ANKFN1: variants seen among roughly 807,000 people sequenced by gnomAD.
ANKFN1 encodes ankyrin repeat and fibronectin type-III domain-containing protein 1.
In ANKFN1, 74 loss-of-function variants were observed where a neutral mutation model predicts 108.7. The ratio of observed to expected loss-of-function variants is 0.68; its 90% CI spans 0.56 to 0.83. ANKFN1 has a LOEUF of 0.83. ANKFN1 is among the 40% of genes least tolerant of loss of function. The pLI is 0.00. For missense variants in ANKFN1, 1,505 were observed against 1,382.3 expected (o/e 1.09, Z -1.41); for synonymous variants, 547 against 516.2 (o/e 1.06, Z -0.81).
chr17:56,413,310 A>G (rs539863759), intron 8 of ANKFN1, among the ~76,000 whole-genome samples: 100 of 152,250 alleles, frequency 6.6e-4, no homozygotes, highest in African/African-American at 2.4e-3. Flanking sequence ...TTATCAGCTG[A>G]AGCAACTTTG....
intron 5 of ANKFN1, among the ~76,000 whole-genome samples, chr17:56,353,105 A>G (rs2046287241): frequency 6.6e-6 from 1 of 152,232 alleles, no homozygotes; most frequent in African/African-American, 2.4e-5. Flanking sequence ...AGCAAATGCA[A>G]TAAAATACAT....
intron 4 of ANKFN1, among the ~76,000 whole-genome samples, chr17:56,099,836 T>A (rs576787579): frequency 1.3e-5 from 2 of 152,328 alleles, no homozygotes; most frequent in Non-Finnish European, 2.9e-5. Flanking sequence ...TCATGAGGCA[T>A]TCCACCGTGC....
At chr17:56,084,883 G>A (rs8072542) in intron 4 of ANKFN1, among the ~76,000 whole-genome samples, 4,561 of 150,888 alleles carry the variant, frequency 0.03, 302 homozygotes, top group African/African-American at 0.11. Context: ...CTGAAACTCA[G>A]TTATTCTTAC....
At chr17:56,336,426 T>G (rs1289266316) in intron 4 of ANKFN1, among the ~76,000 whole-genome samples, 2 of 152,230 alleles carry the variant, frequency 1.3e-5, no homozygotes, top group Non-Finnish European at 2.9e-5. Context: ...GAGATTCAAC[T>G]TCTTCCTGGT....
Position 56,347,668 on chromosome 17 carries a change from G to C in ANKFN1, c.189-3098G>C, listed in dbSNP as rs902978186. 2.0e-5 allele frequency among the ~76,000 whole-genome samples: 3 copies of C among 151,944 alleles called. No homozygotes were observed. In the South Asian group the frequency reaches 6.2e-4, roughly 31 times the overall value. Reference sequence around the variant, plus strand: ...CTTATCTGACAAAATTTTAAATATAGAGGAGAAAAAGAAAACATAATGATA... The same window carrying C: ...CTTATCTGACAAAATTTTAAATATACAGGAGAAAAAGAAAACATAATGATA... On this transcript the variant is annotated intron_variant, in intron 4 of 20. Transcript: ENST00000682825.
intron 4 of ANKFN1, among the ~76,000 whole-genome samples, chr17:56,143,612 A>G (rs1218991844): frequency 1.3e-5 from 2 of 152,202 alleles, no homozygotes; most frequent in Non-Finnish European, 2.9e-5. Context: ...TTACTTTATG[A>G]ATGTGACCTG....
chr17:56,402,443 T>A (rs1475438085), intron 8 of ANKFN1, among the ~76,000 whole-genome samples: 1 of 152,100 alleles, frequency 6.6e-6, no homozygotes, highest in African/African-American at 2.4e-5. Context: ...AGGAATTTAT[T>A]CATCTCTTCT....
intron 8 of ANKFN1, among the ~76,000 whole-genome samples, chr17:56,435,145 G>C (rs146518332): frequency 6.6e-6 from 1 of 151,998 alleles, no homozygotes; most frequent in Non-Finnish European, 1.5e-5. Flanking sequence ...TTTTCCCTCC[G>C]TTCTGACACA....
intron 4 of ANKFN1, among the ~76,000 whole-genome samples, chr17:56,141,241 G>C (rs112573866): frequency 0.012 from 1,787 of 152,238 alleles, 34 homozygotes; most frequent in African/African-American, 0.04. Flanking sequence ...TGTAGACAGC[G>C]CCACCACAAG....
chr17:56,220,904 A>AGGG (rs1567846311), intron 2 of ANKFN1, among the ~76,000 whole-genome samples: 1 of 53,712 alleles, frequency 1.9e-5, no homozygotes, highest in African/African-American at 1.7e-4. Context: ...GGAAGGAAGG[A>AGGG]AGGGAGTGGG....
chr17:56,359,539 TTC>T (rs1243660120), intron 6 of ANKFN1, among the ~76,000 whole-genome samples: 3 of 152,156 alleles, frequency 2.0e-5, no homozygotes, highest in Non-Finnish European at 2.9e-5. Context: ...CCCTCTAACT[TTC>T]TCTCAGATGC....
chr17:56,286,058 T>C (rs1336112932), intron 3 of ANKFN1, among the ~76,000 whole-genome samples: 1 of 152,190 alleles, frequency 6.6e-6, no homozygotes, highest in Admixed American at 6.5e-5. Flanking sequence ...CCCTATCCAG[T>C]ATCCTGCTCT....
chr17:56,301,225 C>T (rs1156560626), intron 3 of ANKFN1, among the ~76,000 whole-genome samples: 1 of 152,160 alleles, frequency 6.6e-6, no homozygotes, highest in African/African-American at 2.4e-5. Context: ...GTTGTTTGAC[C>T]TGCATCAGCT....
chr17:56,422,793 T>TA (rs1386766551), intron 8 of ANKFN1, among the ~76,000 whole-genome samples: 3 of 152,058 alleles, frequency 2.0e-5, no homozygotes, highest in East Asian at 1.9e-4. Flanking sequence ...CATTTTCCAC[T>TA]AAAAAAAATG....
At chr17:56,467,783 GAAAGAAAGAAGAAAGAAAGAAAGA>G (rs1568026147) in intron 15 of ANKFN1, among the ~76,000 whole-genome samples, 78 of 22,898 alleles carry the variant, frequency 3.4e-3, no homozygotes, top group Middle Eastern at 0.024. Flanking sequence ...AAGAAAGAAA[GAAAGAAAGAAGAAAGAAAGAAAGA>G]AAGAAAGAAA....
intron 4 of ANKFN1, among the ~76,000 whole-genome samples, chr17:56,077,407 A>C (rs1301430608): frequency 1.3e-5 from 2 of 152,134 alleles, no homozygotes; most frequent in Admixed American, 6.5e-5. Flanking sequence ...TTCAGCTGCA[A>C]CCTATGGACC....
At chr17:56,182,638 G>A (rs1943222989) in intron 1 of ANKFN1, among the ~76,000 whole-genome samples, 2 of 152,216 alleles carry the variant, frequency 1.3e-5, no homozygotes, top group African/African-American at 2.4e-5. Context: ...AGCAAGTGCT[G>A]ATGGAGAAGC....
At chr17:56,489,346 C>G (rs1010266125) in intron 18 of ANKFN1, among the ~76,000 whole-genome samples, 4 of 151,638 alleles carry the variant, frequency 2.6e-5, no homozygotes, top group Non-Finnish European at 4.4e-5. Context: ...AGCTTCCAGT[C>G]TGTCTTTCTT....
chr17:56,442,050 C>G (rs530489974), intron 9 of ANKFN1, among the ~76,000 whole-genome samples: 23 of 152,124 alleles, frequency 1.5e-4, no homozygotes, highest in African/African-American at 5.5e-4. Flanking sequence ...AATATAAAAA[C>G]TATACAAAAG....
Sources: gnomAD v4.1 joint callset for allele counts (sites outside exome capture counted in the v4.1 genomes callset) on GRCh38, gnomAD v4.1.1 for gene constraint, MANE v1.5 for transcripts, NCBI Gene and HGNC (gene_info 2026-07-23, HGNC 2026-07-21) for gene names.